NFYC: variants seen among roughly 807,000 people sequenced by gnomAD.
The protein encoded by NFYC is CAAT box DNA-binding protein subunit C.
In NFYC, 25 loss-of-function variants were observed where a neutral mutation model predicts 53.1. The ratio of observed to expected loss-of-function variants is 0.47; its 90% CI spans 0.34 to 0.66. The LOEUF is 0.66. Ranked by LOEUF, NFYC falls within the 30% of genes least tolerant of loss-of-function variation. The pLI is 0.01. For missense variants in NFYC, 260 were observed against 422.7 expected (o/e 0.62, Z 3.38); for synonymous variants, 145 against 152.6 (o/e 0.95, Z 0.37).
intron 1 of NFYC, chr1:40,692,088 G>C (rs1642842553): frequency 5.0e-6 from 1 of 198,872 alleles, no homozygotes; most frequent in African/African-American, 2.4e-5. Context: ...CCGGCCCGCG[G>C]GCTTTCTCCC....
intron 8 of NFYC, chr1:40,769,095 A>G: frequency 2.4e-6 from 1 of 413,318 alleles, no homozygotes; most frequent in Non-Finnish European, 4.5e-6. Context: ...TTGAGGGAGT[A>G]GGCATTCATT....
chr1:40,735,835 G>A, intron 1 of NFYC: 1 of 763,886 alleles, frequency 1.3e-6, no homozygotes, highest in Non-Finnish European at 1.6e-6. Flanking sequence ...AGGTTAAATT[G>A]AGTCACTGTC....
At chr1:40,703,957 GTAGC>G (rs1344384023) in intron 1 of NFYC, among the ~76,000 whole-genome samples, 3 of 152,150 alleles carry the variant, frequency 2.0e-5, no homozygotes, top group African/African-American at 7.2e-5. Flanking sequence ...TAGTAAGCAG[GTAGC>G]TATGATTCAG....
chr1:40,699,327 G>C (rs1643318208), intron 1 of NFYC, among the ~76,000 whole-genome samples: 1 of 152,154 alleles, frequency 6.6e-6, no homozygotes, highest in African/African-American at 2.4e-5. Flanking sequence ...GCTGTAAACT[G>C]TCCAGTAATC....
At chr1:40,748,044 C>T (rs949840224) in intron 3 of NFYC, among the ~76,000 whole-genome samples, 3 of 152,038 alleles carry the variant, frequency 2.0e-5, no homozygotes, top group African/African-American at 7.2e-5. Flanking sequence ...CCATGTTGGC[C>T]AGGCTGGTCT....
intron 1 of NFYC, among the ~76,000 whole-genome samples, chr1:40,729,545 A>G (rs976815008): frequency 5.3e-5 from 8 of 152,032 alleles, no homozygotes; most frequent in Middle Eastern, 6.3e-3. Context: ...CATATCAGCA[A>G]TAAAGCTGTT....
intron 2 of NFYC, among the ~76,000 whole-genome samples, chr1:40,746,950 T>G (rs1196743117): frequency 6.6e-6 from 1 of 152,210 alleles, no homozygotes; most frequent in Non-Finnish European, 1.5e-5. Flanking sequence ...AAACAAATTT[T>G]GGAGACAAGG....
intron 2 of NFYC, among the ~76,000 whole-genome samples, chr1:40,739,599 A>G (rs1358507006): frequency 2.0e-5 from 3 of 152,178 alleles, no homozygotes; most frequent in Admixed American, 6.5e-5. Flanking sequence ...GGCAAAAATC[A>G]TCCCTTGTTG....
chr1:40,760,519 G>A (rs952365594), intron 6 of NFYC, among the ~76,000 whole-genome samples: 4 of 152,088 alleles, frequency 2.6e-5, no homozygotes, highest in African/African-American at 9.7e-5. Context: ...AGGAGTTCAA[G>A]ACCAGCCTGG....
chr1:40,767,109 C>CTTA, intron 8 of NFYC: 1 of 831,594 alleles, frequency 1.2e-6, no homozygotes, highest in Admixed American at 2.1e-5. Context: ...AGATTTTACC[C>CTTA]CTACCTCCTC....
intron 6 of NFYC, among the ~76,000 whole-genome samples, chr1:40,759,833 G>T (rs747709831): frequency 6.6e-6 from 1 of 152,216 alleles, no homozygotes; most frequent in South Asian, 2.1e-4. Flanking sequence ...AGTAGTCAGC[G>T]TAGGGGACCA....
At chr1:40,742,979 G>C (rs574950463) in intron 2 of NFYC, among the ~76,000 whole-genome samples, 1 of 152,138 alleles carries the variant, frequency 6.6e-6, no homozygotes, top group East Asian at 1.9e-4. Context: ...AGCCTCTTAG[G>C]TTGACACCTC....
intron 1 of NFYC, chr1:40,712,534 A>G (rs981307029): frequency 1.5e-5 from 2 of 136,180 alleles, no homozygotes; most frequent in African/African-American, 5.9e-5. Flanking sequence ...TATACCAAAT[A>G]TTTATAAAGT....
intron 1 of NFYC, among the ~76,000 whole-genome samples, chr1:40,698,293 C>T (rs879704258): frequency 3.3e-5 from 5 of 150,216 alleles, no homozygotes; most frequent in Admixed American, 6.6e-5. Context: ...AACCCAGAGG[C>T]GGAGGCTGCA....
At chr1:40,717,901 C>A (rs1644195993) in intron 1 of NFYC, among the ~76,000 whole-genome samples, 2 of 152,246 alleles carry the variant, frequency 1.3e-5, no homozygotes, top group Middle Eastern at 3.4e-3. Context: ...GCAGCACACA[C>A]AATTAATTAC....
chr1:40,753,067 G>A (rs1438608357), intron 4 of NFYC, 84 bp from the exon 5 acceptor site: 34 of 960,334 alleles, frequency 3.5e-5, no homozygotes, highest in Non-Finnish European at 4.4e-5. Context: ...CTTAAAAGTC[G>A]TCTTACCTTA....
At chr1:40,729,854 T>G (rs1202067318) in intron 1 of NFYC, among the ~76,000 whole-genome samples, 2 of 152,134 alleles carry the variant, frequency 1.3e-5, no homozygotes, top group Non-Finnish European at 2.9e-5. Flanking sequence ...TTTTGTATTT[T>G]TGGTAGAGAA....
At position 40,726,573 on chromosome 1, in the gene NFYC, C is replaced by A. The variant is rs146266659; in HGVS notation, c.-8-12263C>A. Among the ~76,000 whole-genome samples, 250 of 152,222 alleles carry A rather than the reference C, an allele frequency of 1.6e-3. 1 individual carries two copies. Among genetic ancestry groups the A allele is most frequent in the African/African-American group, 4.5e-3 (186 of 41,536 alleles). ...TACAGACACGTGCCACCACACCCAG[C>A]TGATTTTTGTATTTTTTGTATAGAC... On this transcript the variant is annotated intron_variant, in intron 1 of 9. Transcript: ENST00000447388.
At chr1:40,764,566 C>A (rs948240052) in intron 7 of NFYC, among the ~76,000 whole-genome samples, 1 of 152,192 alleles carries the variant, frequency 6.6e-6, no homozygotes, top group Non-Finnish European at 1.5e-5. Flanking sequence ...CTTGCAGATA[C>A]TTTAACTCTC....
Sources: gnomAD v4.1 joint callset for allele counts (sites outside exome capture counted in the v4.1 genomes callset) on GRCh38, gnomAD v4.1.1 for gene constraint, MANE v1.5 for transcripts, NCBI Gene and HGNC (gene_info 2026-07-23, HGNC 2026-07-21) for gene names.